The following TULP4 variants were observed in gnomAD, a reference collection of about 807,000 sequenced individuals.
TULP4 encodes the protein tubby-related protein 4.
Under a neutral mutation model 129.0 loss-of-function variants are expected in TULP4, and 16 were observed. The observed-to-expected ratio is 0.12, with a 90% CI of 0.08 to 0.19. The LOEUF (loss-of-function observed/expected upper bound fraction) is 0.19, where lower values mean the gene tolerates loss of function less well. Ranked by LOEUF, TULP4 falls within the 10% of genes least tolerant of loss-of-function variation. The probability of loss-of-function intolerance (pLI) is 1.00; values close to 1 mark genes in which losing one functional copy is unlikely to be tolerated. For synonymous variants in TULP4, 998 were observed against 854.0 expected (o/e 1.17, Z -2.94); for missense variants, 1,842 against 2,059.1 (o/e 0.89, Z 2.04).
chr6:158,254,917 C>A (rs1016351330), intron 1 of TULP4, among the ~76,000 whole-genome samples: 3 of 152,150 alleles, frequency 2.0e-5, no homozygotes, highest in Admixed American at 2.0e-4. Context: ...ACTAAAAGTA[C>A]AAAAATTAAC....
intron 10 of TULP4, among the ~76,000 whole-genome samples, chr6:158,494,041 C>T (rs1366899940): frequency 6.6e-6 from 1 of 152,204 alleles, no homozygotes; most frequent in African/African-American, 2.4e-5. Context: ...GCTGCAGCCA[C>T]ACCTGGTTCT....
chr6:158,287,320 A>T (rs1236335937), intron 1 of TULP4, among the ~76,000 whole-genome samples: 1 of 152,214 alleles, frequency 6.6e-6, no homozygotes, highest in South Asian at 2.1e-4. Context: ...GGCCTATAAA[A>T]TAATATAATT....
intron 1 of TULP4, among the ~76,000 whole-genome samples, chr6:158,274,545 G>A (rs1186976428): frequency 6.6e-6 from 1 of 152,116 alleles, no homozygotes; most frequent in Admixed American, 6.5e-5. Flanking sequence ...GGGAGGCCAA[G>A]GCGGGCGGAT....
intron 5 of TULP4, among the ~76,000 whole-genome samples, chr6:158,459,963 G>A (rs1412703013): frequency 3.3e-5 from 5 of 152,070 alleles, no homozygotes; most frequent in East Asian, 1.9e-4. Flanking sequence ...GCTTCCCCTC[G>A]CATTTGTAAA....
At chr6:158,385,074 C>G (rs1777409797) in intron 1 of TULP4, among the ~76,000 whole-genome samples, 1 of 152,170 alleles carries the variant, frequency 6.6e-6, no homozygotes, top group African/African-American at 2.4e-5. Context: ...GTTATCCTCG[C>G]CCACGTCAGT....
intron 8 of TULP4, among the ~76,000 whole-genome samples, chr6:158,487,861 A>G (rs1490505368): frequency 6.6e-6 from 1 of 152,068 alleles, no homozygotes; most frequent in African/African-American, 2.4e-5. Context: ...TTCAGAAAGT[A>G]TTTATCAAGT....
intron 1 of TULP4, among the ~76,000 whole-genome samples, chr6:158,378,463 G>GA (rs1777241717): frequency 1.9e-5 from 1 of 53,642 alleles, no homozygotes; most frequent in Non-Finnish European, 2.9e-5. Flanking sequence ...GGGGGAGCCA[G>GA]TTTTTTTTTT....
chr6:158,463,649 A>AAAAT (rs376226640), intron 6 of TULP4, among the ~76,000 whole-genome samples: 1 of 137,810 alleles, frequency 7.3e-6, no homozygotes, highest in African/African-American at 2.7e-5. Flanking sequence ...GTATAATAAA[A>AAAAT]ATATATATAT....
At chr6:158,257,165 A>G (rs1447500528) in intron 1 of TULP4, among the ~76,000 whole-genome samples, 1 of 152,160 alleles carries the variant, frequency 6.6e-6, no homozygotes, top group African/African-American at 2.4e-5. Context: ...TCATTTCAGA[A>G]GATGCCTACT....
chr6:158,426,848 G>A (rs1299566772), intron 2 of TULP4, among the ~76,000 whole-genome samples: 2 of 152,202 alleles, frequency 1.3e-5, no homozygotes, highest in Admixed American at 6.5e-5. Flanking sequence ...CTTCCTATCC[G>A]TGAGCATGTA....
intron 1 of TULP4, among the ~76,000 whole-genome samples, chr6:158,239,060 A>G (rs1583663839): frequency 2.3e-5 from 2 of 87,164 alleles, no homozygotes; most frequent in Non-Finnish European, 2.7e-5. Context: ...CGGGGGGCTG[A>G]CCCCCCCACC....
chr6:158,280,815 G>A (rs923429308), upstream of TULP4, among the ~76,000 whole-genome samples: 1 of 152,236 alleles, frequency 6.6e-6, no homozygotes, highest in Non-Finnish European at 1.5e-5. Flanking sequence ...GAAAGTTAAG[G>A]CTGTTTTATT....
At chr6:158,488,431 C>A (rs1025389680) in intron 8 of TULP4, among the ~76,000 whole-genome samples, 2 of 152,132 alleles carry the variant, frequency 1.3e-5, no homozygotes, top group African/African-American at 2.4e-5. Flanking sequence ...GTCGAGCCTC[C>A]TGATTCAGTG....
chr6:158,466,853 C>T lies in TULP4; in HGVS notation c.1026+5124C>T, dbSNP rs559727070. Among the ~76,000 whole-genome samples, 74 of 129,724 alleles carry T rather than the reference C, an allele frequency of 5.7e-4. 1 individual carries two copies. The highest frequency in any genetic ancestry group is 1.1e-3 in the Non-Finnish European group (70 of 62,830). 85.1% of individuals were successfully genotyped at this position (129,724 alleles called of 152,430 possible). A position where few individuals can be genotyped will look rare whatever the true frequency, so the allele number is the denominator to read the frequency against. ...GATAACCTGGAGGAAAGGAGTCTTGCACCTGCTCTTTGTGGGTATTTTTCC... is the reference window on the plus strand; with the variant it reads ...GATAACCTGGAGGAAAGGAGTCTTGTACCTGCTCTTTGTGGGTATTTTTCC... On this transcript the variant is annotated intron_variant, in intron 6 of 13. Coordinates refer to ENST00000367097, the MANE Select transcript of TULP4 (RefSeq NM_020245.5).
At chr6:158,286,959 G>A (rs1778845670) in intron 1 of TULP4, among the ~76,000 whole-genome samples, 1 of 152,250 alleles carries the variant, frequency 6.6e-6, no homozygotes, top group Non-Finnish European at 1.5e-5. Context: ...GAAGGGGTCA[G>A]CATGTTGGGC....
At chr6:158,427,787 A>C (rs1778535566) in intron 2 of TULP4, 1 of 152,106 alleles carries the variant, frequency 6.6e-6, no homozygotes, top group African/African-American at 2.4e-5. Flanking sequence ...CACCACACCC[A>C]GCCCTAAAAT....
intron 1 of TULP4, among the ~76,000 whole-genome samples, chr6:158,317,660 T>G (rs10806695): frequency 0.86 from 130,931 of 152,104 alleles, 56,785 homozygotes; most frequent in South Asian, 0.93. Flanking sequence ...AGCATGATTT[T>G]GGGTATATAC....
chr6:158,379,657 C>G (rs1193879657), intron 1 of TULP4, among the ~76,000 whole-genome samples: 1 of 152,202 alleles, frequency 6.6e-6, no homozygotes, highest in South Asian at 2.1e-4. Flanking sequence ...GGCTTGGGTT[C>G]AGACCTACAG....
Position 158,481,219 on chromosome 6 carries a change from C to G in TULP4, c.1416C>G (p.Leu472=), listed in dbSNP as rs746738630. ...ACCTGGGCGGGCTTGTGCCCATCCTCAAAGGGCGGCGCATCAGCAAGCTGC... is the reference window on the plus strand; with the variant it reads ...ACCTGGGCGGGCTTGTGCCCATCCTGAAAGGGCGGCGCATCAGCAAGCTGC... ...LEYLGGLVPI[L]KGRRISKLRP... Residue 472 remains leucine (L), a synonymous_variant, in exon 8 of 14, where the codon CTC becomes CTG. Transcript: ENST00000367097. 22 of 1,614,242 alleles carry G rather than the reference C, an allele frequency of 1.4e-5. No individual in the cohort carries two copies. Among genetic ancestry groups the G allele is most frequent in the Middle Eastern group, 1.6e-4 (1 of 6,062 alleles).
Sources: allele counts gnomAD v4.1 joint callset (sites outside exome capture counted in the v4.1 genomes callset), GRCh38; gene constraint gnomAD v4.1.1; transcripts MANE v1.5; gene names NCBI Gene and HGNC (gene_info 2026-07-23, HGNC 2026-07-21).